The following TTC6 variants were observed in gnomAD, a reference collection of about 807,000 sequenced individuals.
TTC6 encodes the protein tetratricopeptide repeat domain 6, also known as tetratricopeptide repeat protein 6.
A neutral mutation model predicts 210.4 loss-of-function variants in TTC6; 172 were observed. That is an observed-to-expected ratio of 0.82 (90% CI 0.72 to 0.93). The LOEUF is 0.93. Among genes scored for constraint, TTC6 ranks in the 40% least tolerant of loss-of-function variants. TTC6 has a pLI of 0.00. For synonymous variants in TTC6, 804 were observed against 819.6 expected, an observed-to-expected ratio of 0.98 and a Z score of 0.32; for missense variants, 2,414 against 2,318.1, an observed-to-expected ratio of 1.04 and a Z score of -0.85.
chr14:37,791,360 C>T (rs1374757370), intron 16 of TTC6, among the ~76,000 whole-genome samples: 2 of 152,100 alleles, frequency 1.3e-5, no homozygotes, highest in African/African-American at 2.4e-5. Context: ...AAGTTAAATG[C>T]ACTAGTCAGA....
At chr14:37,666,022 A>G (rs1291358200) in intron 1 of TTC6, among the ~76,000 whole-genome samples, 1 of 150,634 alleles carries the variant, frequency 6.6e-6, no homozygotes, top group African/African-American at 2.4e-5. Flanking sequence ...ACAACTTAAC[A>G]CATGAAATGA....
intron 14 of TTC6, 64 bp downstream of exon 16, chr14:37,753,299 AGAAAATTGCTT>A: frequency 7.4e-7 from 1 of 1,360,012 alleles, no homozygotes; most frequent in Non-Finnish European, 9.8e-7. Flanking sequence ...TTTTCAGAAC[AGAAAATTGCTT>A]GAAATACATC....
intron 14 of TTC6, among the ~76,000 whole-genome samples, chr14:37,784,516 C>T (rs2096063054): frequency 6.6e-6 from 1 of 152,120 alleles, no homozygotes; most frequent in Admixed American, 6.6e-5. Context: ...ATGTGTGTCT[C>T]TGCACGTTGA....
intron 29 of TTC6, among the ~76,000 whole-genome samples, chr14:37,835,945 C>A (rs2096196890): frequency 6.6e-6 from 1 of 152,132 alleles, no homozygotes; most frequent in Admixed American, 6.5e-5. Context: ...GCCCTCTTAT[C>A]TCTACATTTC....
chr14:37,692,967 T>G (rs764960929), intron 3 of TTC6, among the ~76,000 whole-genome samples: 1 of 152,096 alleles, frequency 6.6e-6, no homozygotes, highest in African/African-American at 2.4e-5. Flanking sequence ...ACTGAAAGCC[T>G]TTCCTCTAAG....
At chr14:37,616,915 C>T (rs1659489502) in intron 2 of TTC6, among the ~76,000 whole-genome samples, 1 of 152,100 alleles carries the variant, frequency 6.6e-6, no homozygotes. Flanking sequence ...GAGTCTTTGT[C>T]ACCCAGGCTG....
At chr14:37,769,467 C>T (rs200102881) in intron 14 of TTC6, among the ~76,000 whole-genome samples, 1,936 of 132,668 alleles carry the variant, frequency 0.015, no homozygotes, top group Middle Eastern at 0.018. Context: ...TTGATTATTG[C>T]CACAATTTCA....
chr14:37,717,748 A>G (rs1314138676), intron 6 of TTC6, among the ~76,000 whole-genome samples: 1 of 152,062 alleles, frequency 6.6e-6, no homozygotes, highest in Non-Finnish European at 1.5e-5. Context: ...AAGACAGTAA[A>G]AAAAACAAAA....
chr14:37,726,151 G>A (rs1415171236), intron 7 of TTC6, among the ~76,000 whole-genome samples: 1 of 151,762 alleles, frequency 6.6e-6, no homozygotes. Flanking sequence ...ATTTTTAGTG[G>A]CATTCAGGAT....
chr14:37,796,452 A>G (rs1022692322), intron 19 of TTC6, 82 bp downstream of exon 21: 74 of 594,946 alleles, frequency 1.2e-4, no homozygotes, highest in Non-Finnish European at 2.0e-4. Flanking sequence ...TATAAATAGC[A>G]TGAAGGATCC....
intron 7 of TTC6, among the ~76,000 whole-genome samples, chr14:37,730,037 G>A (rs1016962939): frequency 1.3e-5 from 2 of 152,068 alleles, no homozygotes; most frequent in Admixed American, 1.3e-4. Context: ...AGGAGAGAAA[G>A]GATCCAACAG....
At chr14:37,682,820 A>G (rs987964239) in exon 3 of TTC6, 1 of 1,535,614 alleles carries the variant, frequency 6.5e-7, no homozygotes, top group Non-Finnish European at 8.7e-7. Flanking sequence ...AAGAGGATAT[A>G]GAATGGGGAC....
exon 23 of TTC6, chr14:37,807,395 A>G (rs1481972611): frequency 5.2e-6 from 8 of 1,530,680 alleles, no homozygotes; most frequent in East Asian, 2.4e-5. Flanking sequence ...TAACAAGGCT[A>G]TTAAAATTTA....
intron 14 of TTC6, among the ~76,000 whole-genome samples, chr14:37,779,086 T>G (rs1430980147): frequency 6.6e-6 from 1 of 152,180 alleles, no homozygotes; most frequent in Non-Finnish European, 1.5e-5. Flanking sequence ...GGTCTCCTGC[T>G]GCCAGGATTC....
chr14:37,745,537 G>A (rs763582413), intron 10 of TTC6, among the ~76,000 whole-genome samples: 5 of 152,210 alleles, frequency 3.3e-5, no homozygotes, highest in Admixed American at 1.3e-4. Context: ...AGTTTATTCC[G>A]TTATTACATG....
At chr14:37,666,797 C>T (rs930005718) in intron 1 of TTC6, among the ~76,000 whole-genome samples, 1 of 150,246 alleles carries the variant, frequency 6.7e-6, no homozygotes, top group African/African-American at 2.4e-5. Flanking sequence ...ATTCAGGGCT[C>T]TCAGGGTTCC....
chr14:37,835,946 T>G (rs2096196900), intron 29 of TTC6, among the ~76,000 whole-genome samples: 1 of 152,292 alleles, frequency 6.6e-6, no homozygotes, highest in South Asian at 2.1e-4. Context: ...CCCTCTTATC[T>G]CTACATTTCT....
intron 4 of TTC6, among the ~76,000 whole-genome samples, chr14:37,698,973 C>T (rs928297422): frequency 6.6e-6 from 1 of 152,166 alleles, no homozygotes; most frequent in Non-Finnish European, 1.5e-5. Context: ...GCCCAGCCAA[C>T]TCCAAAGTCT....
intron 27 of TTC6, 145 bp downstream of exon 29, chr14:37,824,102 G>T: frequency 1.3e-6 from 1 of 787,444 alleles, no homozygotes; most frequent in Non-Finnish European, 2.0e-6. Flanking sequence ...GAGTAGCAGT[G>T]GGAGCAGGGG....
Sources: allele counts gnomAD v4.1 joint callset (sites outside exome capture counted in the v4.1 genomes callset), GRCh38; gene constraint gnomAD v4.1.1; transcripts MANE v1.5; gene names NCBI Gene and HGNC (gene_info 2026-07-23, HGNC 2026-07-21).